NCALD: variants seen among roughly 807,000 people sequenced by gnomAD.
The protein encoded by NCALD is neurocalcin delta.
A neutral mutation model predicts 18.6 loss-of-function variants in NCALD; 10 were observed. The observed-to-expected ratio is 0.54, with a 90% CI of 0.33 to 0.91. The LOEUF is 0.91. NCALD is among the 40% of genes least tolerant of loss of function. The pLI is 0.03. For missense variants in NCALD, 184 were observed against 247.6 expected, an observed-to-expected ratio of 0.74 and a Z score of 1.72; for synonymous variants, 88 against 87.4, an observed-to-expected ratio of 1.01 and a Z score of -0.04.
chr8:102,049,381 C>G (rs1265126571), intron 1 of NCALD, among the ~76,000 whole-genome samples: 1 of 152,140 alleles, frequency 6.6e-6, no homozygotes, highest in Admixed American at 6.5e-5. Flanking sequence ...AGCTCACTTC[C>G]TTTTATCGCT....
At chr8:102,122,032 T>C (rs1217120103) in intron 1 of NCALD, among the ~76,000 whole-genome samples, 2 of 152,226 alleles carry the variant, frequency 1.3e-5, no homozygotes, top group African/African-American at 4.8e-5. Context: ...CCTTGATACA[T>C]AGATACATAG....
chr8:102,102,448 T>C (rs1825314760), intron 1 of NCALD, among the ~76,000 whole-genome samples: 1 of 152,200 alleles, frequency 6.6e-6, no homozygotes, highest in African/African-American at 2.4e-5. Context: ...TTATGGCACA[T>C]GCGTCAGAGC....
intron 1 of NCALD, among the ~76,000 whole-genome samples, chr8:102,100,189 C>T (rs620643): frequency 0.55 from 83,668 of 151,918 alleles, 23,959 homozygotes; most frequent in Non-Finnish European, 0.64. Context: ...AAGGCCTCTT[C>T]AGCATACATA....
chr8:102,068,210 C>T (rs2132283606), intron 1 of NCALD, among the ~76,000 whole-genome samples: 1 of 152,308 alleles, frequency 6.6e-6, no homozygotes, highest in South Asian at 2.1e-4. Flanking sequence ...AGGCACCAGA[C>T]CAGGAGTGAT....
chr8:102,032,592 G>A (rs1438256943), intron 1 of NCALD, among the ~76,000 whole-genome samples: 2 of 125,680 alleles, frequency 1.6e-5, no homozygotes, highest in African/African-American at 3.1e-5. Flanking sequence ...GATGGTCATC[G>A]ACTTGGAAAG....
chr8:101,812,572 G>A (rs1260363763), intron 4 of NCALD, among the ~76,000 whole-genome samples: 1 of 152,138 alleles, frequency 6.6e-6, no homozygotes, highest in Admixed American at 6.6e-5. Context: ...ACAGTAAAGA[G>A]AGTCAAAACA....
intron 1 of NCALD, among the ~76,000 whole-genome samples, chr8:102,118,705 A>T (rs1271359313): frequency 6.6e-6 from 1 of 150,998 alleles, no homozygotes; most frequent in South Asian, 2.1e-4. Flanking sequence ...TCATCTAAAT[A>T]ATTAAAATAA....
chr8:102,022,075 C>T (rs112466966), intron 1 of NCALD, among the ~76,000 whole-genome samples: 8 of 152,228 alleles, frequency 5.3e-5, no homozygotes, highest in African/African-American at 4.8e-5. Flanking sequence ...ATTTACAGGG[C>T]GTGAACAGGG....
intron 1 of NCALD, among the ~76,000 whole-genome samples, chr8:102,025,751 G>A (rs1822432402): frequency 6.6e-6 from 1 of 152,204 alleles, no homozygotes; most frequent in Non-Finnish European, 1.5e-5. Context: ...TATAACAAAA[G>A]GTGTGCAGAG....
chr8:102,008,410 T>C (rs1821782570), intron 2 of NCALD, among the ~76,000 whole-genome samples: 1 of 150,600 alleles, frequency 6.6e-6, no homozygotes, highest in Non-Finnish European at 1.5e-5. Flanking sequence ...TCTAAAATAA[T>C]TAAGAATGTG....
At chr8:101,930,013 C>G (rs1401170906) in intron 2 of NCALD, among the ~76,000 whole-genome samples, 1 of 151,998 alleles carries the variant, frequency 6.6e-6, no homozygotes, top group African/African-American at 2.4e-5. Context: ...CAAGATCACA[C>G]CACTGCACTC....
intron 3 of NCALD, among the ~76,000 whole-genome samples, chr8:101,900,637 T>G (rs1022209851): frequency 5.3e-5 from 8 of 152,060 alleles, no homozygotes; most frequent in Admixed American, 2.0e-4. Flanking sequence ...AGTTTGTTGT[T>G]TATTTCCAAC....
At chr8:101,766,474 G>C (rs1811351753) in intron 1 of NCALD, among the ~76,000 whole-genome samples, 1 of 152,154 alleles carries the variant, frequency 6.6e-6, no homozygotes. Context: ...ACATATCAGA[G>C]ATCCCTAACC....
At chr8:101,878,436 C>T (rs1390225956) in intron 4 of NCALD, among the ~76,000 whole-genome samples, 1 of 152,176 alleles carries the variant, frequency 6.6e-6, no homozygotes, top group Non-Finnish European at 1.5e-5. Context: ...AATAGAAAGC[C>T]ATTTGGGTTT....
chr8:102,042,272 G>A lies in NCALD; in HGVS notation c.-209-21983C>T, dbSNP rs952531161. The stretch of plus-strand genomic sequence containing the variant: ...AAGAATATCAAAGTCAGAGACAAGA[G>A]AAAATCTACTAACAAAAGAATATGT... On this transcript the variant is annotated intron_variant, in intron 1 of 6. Transcript: ENST00000311028. 1.8e-4 allele frequency among the ~76,000 whole-genome samples: 27 copies of A among 151,982 alleles called. 1 individual carries two copies. The highest frequency in any genetic ancestry group is 6.1e-4 in the African/African-American group (25 of 41,256).
At chr8:101,919,085 A>G (rs1818072894) in intron 2 of NCALD, among the ~76,000 whole-genome samples, 1 of 152,196 alleles carries the variant, frequency 6.6e-6, no homozygotes, top group South Asian at 2.1e-4. Context: ...AATCCTAAGC[A>G]AAAAGAACAA....
Position 101,978,795 on chromosome 8 carries a change from C to G in NCALD, c.-157+41442G>C, listed in dbSNP as rs142300713. ...AAAGTAGGAGATCAACAAATGTGTG[C>G]TGAGGAGAGGGAGGAAGAAAGCAAG... On this transcript the variant is annotated intron_variant, in intron 2 of 6. Transcript: ENST00000311028. Among the ~76,000 whole-genome samples, 870 of 152,206 alleles carry G rather than the reference C, an allele frequency of 5.7e-3. 7 individuals carry two copies. The highest frequency in any genetic ancestry group is 0.02 in the African/African-American group (825 of 41,542).
intron 2 of NCALD, among the ~76,000 whole-genome samples, chr8:102,002,332 C>T (rs1427670149): frequency 6.6e-6 from 1 of 152,124 alleles, no homozygotes; most frequent in East Asian, 1.9e-4. Context: ...GCTAACTATC[C>T]TAAATATATA....
intron 4 of NCALD, among the ~76,000 whole-genome samples, chr8:101,878,405 A>G (rs1285433448): frequency 1.3e-5 from 2 of 152,260 alleles, no homozygotes; most frequent in African/African-American, 2.4e-5. Context: ...AAGAGTTTCA[A>G]TGTTTCTCCC....
Sources: allele counts gnomAD v4.1 joint callset (sites outside exome capture counted in the v4.1 genomes callset), GRCh38; gene constraint gnomAD v4.1.1; transcripts MANE v1.5; gene names NCBI Gene and HGNC (gene_info 2026-07-23, HGNC 2026-07-21).